Variants in FUT8 observed in about 807,000 individuals in gnomAD.
FUT8 encodes the protein fucosyltransferase 8, also known as alpha-(1,6)-fucosyltransferase.
Under a neutral mutation model 71.3 loss-of-function variants are expected in FUT8, and 29 were observed. That is an observed-to-expected ratio of 0.41 (90% CI 0.30 to 0.55). The LOEUF (loss-of-function observed/expected upper bound fraction) is 0.55. Among genes scored for constraint, FUT8 ranks in the 20% least tolerant of loss-of-function variants. FUT8 has a pLI of 0.34. For synonymous variants in FUT8, 254 were observed against 239.3 expected, an observed-to-expected ratio of 1.06 and a Z score of -0.57; for missense variants, 544 against 702.1, an observed-to-expected ratio of 0.77 and a Z score of 2.55.
chr14:65,726,224 T>C (rs1895679489), intron 9 of FUT8, among the ~76,000 whole-genome samples: 1 of 152,276 alleles, frequency 6.6e-6, no homozygotes, highest in Admixed American at 6.5e-5. Flanking sequence ...TAATTTTGTC[T>C]ACTCTTTCAC....
intron 5 of FUT8, among the ~76,000 whole-genome samples, chr14:65,620,617 A>AAGT (rs1325180960): frequency 6.6e-6 from 1 of 152,156 alleles, no homozygotes; most frequent in African/African-American, 2.4e-5. Flanking sequence ...TTGAAAAGTT[A>AAGT]AGTTTGGTGA....
chr14:65,564,665 C>G (rs1886093036), intron 3 of FUT8, among the ~76,000 whole-genome samples: 1 of 151,934 alleles, frequency 6.6e-6, no homozygotes, highest in African/African-American at 2.4e-5. Flanking sequence ...CTGTTGTTCC[C>G]TCTTATGGTC....
chr14:65,377,550 A>G, the FUT8 span, among the ~76,000 whole-genome samples: 1 of 152,236 alleles, frequency 6.6e-6, no homozygotes, highest in Non-Finnish European at 1.5e-5. Flanking sequence ...GAAAGTCACC[A>G]TCCACAGACA....
intron 3 of FUT8, among the ~76,000 whole-genome samples, chr14:65,573,199 C>T (rs559859611): frequency 1.3e-4 from 20 of 151,898 alleles, no homozygotes; most frequent in Non-Finnish European, 2.6e-4. Context: ...TTTCTTTTCC[C>T]GTTCATTTCA....
At chr14:65,438,860 C>T (rs1262051058) in intron 1 of FUT8, among the ~76,000 whole-genome samples, 1 of 152,124 alleles carries the variant, frequency 6.6e-6, no homozygotes, top group African/African-American at 2.4e-5. Context: ...TTAGAAGCTG[C>T]TATGCATTGC....
intron 2 of FUT8, among the ~76,000 whole-genome samples, chr14:65,464,447 G>A (rs913992743): frequency 2.8e-4 from 42 of 151,964 alleles, no homozygotes; most frequent in Non-Finnish European, 2.8e-4. Context: ...GATCCTACGG[G>A]GAAAGGATCT....
chr14:65,572,586 C>T (rs1312620080), intron 3 of FUT8, among the ~76,000 whole-genome samples: 2 of 151,868 alleles, frequency 1.3e-5, no homozygotes, highest in South Asian at 2.1e-4. Flanking sequence ...ACACCCTTTG[C>T]GTGTTTTGTA....
intron 9 of FUT8, among the ~76,000 whole-genome samples, chr14:65,729,561 G>T (rs1385924024): frequency 6.7e-6 from 1 of 149,896 alleles, no homozygotes; most frequent in Non-Finnish European, 1.5e-5. Context: ...CAGGGTCCAG[G>T]CTGGAGTGCA....
chr14:65,496,607 G>A (rs781656487), intron 2 of FUT8, among the ~76,000 whole-genome samples: 7 of 152,152 alleles, frequency 4.6e-5, no homozygotes, highest in African/African-American at 1.4e-4. Context: ...CTTGCCTGCC[G>A]CCATGTAAGA....
intron 5 of FUT8, 151 bp from the exon 6 acceptor site, chr14:65,629,341 T>C (rs1890055613): frequency 2.1e-6 from 1 of 482,370 alleles, no homozygotes; most frequent in Non-Finnish European, 3.7e-6. Flanking sequence ...AATTTTTGAA[T>C]TGCACAACCT....
chr14:65,714,250 C>A (rs1369450944), intron 7 of FUT8, among the ~76,000 whole-genome samples: 4 of 152,050 alleles, frequency 2.6e-5, no homozygotes, highest in African/African-American at 9.7e-5. Flanking sequence ...ATGCTAGAGC[C>A]ATGCTGTTTT....
At chr14:65,673,269 C>A (rs1892557553) in intron 7 of FUT8, among the ~76,000 whole-genome samples, 1 of 152,134 alleles carries the variant, frequency 6.6e-6, no homozygotes, top group South Asian at 2.1e-4. Flanking sequence ...TATTTGACAT[C>A]CTTAAGGTTT....
At chr14:65,434,707 T>C (rs578083973) in intron 1 of FUT8, among the ~76,000 whole-genome samples, 56 of 152,324 alleles carry the variant, frequency 3.7e-4, no homozygotes, top group African/African-American at 1.1e-3. Context: ...TTACATTTTA[T>C]CTTTACAGCT....
chr14:65,675,741 G>A (rs1340302192), intron 7 of FUT8, among the ~76,000 whole-genome samples: 1 of 152,062 alleles, frequency 6.6e-6, no homozygotes, highest in Non-Finnish European at 1.5e-5. Flanking sequence ...TGTAATCCCA[G>A]TACTTTGGGA....
intron 10 of FUT8, among the ~76,000 whole-genome samples, chr14:65,738,914 A>T (rs954152210): frequency 4.6e-5 from 7 of 152,116 alleles, no homozygotes; most frequent in Admixed American, 4.6e-4. Flanking sequence ...TTCATTCAAC[A>T]GATACTTATT....
chr14:65,576,534 G>GT (rs969706725), intron 3 of FUT8, among the ~76,000 whole-genome samples: 30 of 149,190 alleles, frequency 2.0e-4, no homozygotes, highest in African/African-American at 5.2e-4. Flanking sequence ...TTCCGTTTTT[G>GT]TTTTTTTTTC....
At chr14:65,363,142 G>T in the FUT8 span, among the ~76,000 whole-genome samples, 1 of 152,052 alleles carries the variant, frequency 6.6e-6, no homozygotes, top group African/African-American at 2.4e-5. Context: ...TTCTTTTTGA[G>T]ATGGAATCTC....
intron 2 of FUT8, among the ~76,000 whole-genome samples, chr14:65,500,235 C>T (rs1265243403): frequency 6.6e-6 from 1 of 152,170 alleles, no homozygotes; most frequent in African/African-American, 2.4e-5. Context: ...CTCATTCCTG[C>T]TTTCAGTATA....
chr14:65,420,766 T>G (rs2065281316), intron 1 of FUT8, among the ~76,000 whole-genome samples: 1 of 152,036 alleles, frequency 6.6e-6, no homozygotes, highest in Non-Finnish European at 1.5e-5. Context: ...AACTTTTATC[T>G]CCTCAAAAAC....
Sources: allele counts gnomAD v4.1 joint callset (sites outside exome capture counted in the v4.1 genomes callset), GRCh38; gene constraint gnomAD v4.1.1; transcripts MANE v1.5; gene names NCBI Gene and HGNC (gene_info 2026-07-23, HGNC 2026-07-21).